DMRT1: variants seen among roughly 807,000 people sequenced by gnomAD.
DMRT1 encodes doublesex and mab-3 related transcription factor 1.
In DMRT1, 7 loss-of-function variants were observed where a neutral mutation model predicts 32.3. The observed-to-expected ratio is 0.22, with a 90% CI of 0.12 to 0.41. The LOEUF (loss-of-function observed/expected upper bound fraction) is 0.41, where lower values mean the gene tolerates loss of function less well. Ranked by LOEUF, DMRT1 falls within the 10% of genes least tolerant of loss-of-function variation. The probability of loss-of-function intolerance (pLI) is 1.00; values close to 1 mark genes in which losing one functional copy is unlikely to be tolerated. For synonymous variants in DMRT1, 278 were observed against 206.1 expected (o/e 1.35, Z -2.99); for missense variants, 625 against 500.5 (o/e 1.25, Z -2.37).
At chr9:870,756 C>T (rs1349777544) in intron 2 of DMRT1, among the ~76,000 whole-genome samples, 3 of 128,168 alleles carry the variant, frequency 2.3e-5, no homozygotes, top group African/African-American at 6.2e-5. Flanking sequence ...CCATTGCCCA[C>T]GCTGGAGTGC....
chr9:847,632 T>C (rs1480179616), intron 2 of DMRT1, among the ~76,000 whole-genome samples: 1 of 151,520 alleles, frequency 6.6e-6, no homozygotes, highest in Non-Finnish European at 1.5e-5. Context: ...TAAGGAGGAA[T>C]GTGTTCTTTT....
chr9:861,860 G>C (rs1328576799), intron 2 of DMRT1, among the ~76,000 whole-genome samples: 1 of 150,426 alleles, frequency 6.6e-6, no homozygotes, highest in Admixed American at 6.6e-5. Context: ...TCACCTCCCA[G>C]ACGGGGTCGC....
At chr9:894,285 G>A (rs1233699267) in intron 3 of DMRT1, 90 bp downstream of exon 3, 17 of 1,401,464 alleles carry the variant, frequency 1.2e-5, no homozygotes, top group East Asian at 2.3e-5. Context: ...AGGCACACAC[G>A]CACTTGTGCG....
At chr9:881,283 T>A (rs1816726731) in intron 2 of DMRT1, among the ~76,000 whole-genome samples, 1 of 152,318 alleles carries the variant, frequency 6.6e-6, no homozygotes, top group Non-Finnish European at 1.5e-5. Flanking sequence ...AAATTGGCGA[T>A]AATAAATTGA....
At chr9:846,900 G>C (rs1031009187) in intron 1 of DMRT1, 60 bp from the exon 2 acceptor site, 2 of 1,602,882 alleles carry the variant, frequency 1.2e-6, no homozygotes, top group African/African-American at 1.3e-5. Flanking sequence ...TGGGGCTTCT[G>C]TGTTTTGGCA....
chr9:951,092 TAATTA>T (rs944531625), intron 4 of DMRT1, among the ~76,000 whole-genome samples: 6 of 152,180 alleles, frequency 3.9e-5, no homozygotes, highest in Non-Finnish European at 7.3e-5. Flanking sequence ...CTAATGGAAA[TAATTA>T]AAAGTTCATT....
At chr9:932,229 C>T (rs960373123) in intron 4 of DMRT1, among the ~76,000 whole-genome samples, 1 of 152,186 alleles carries the variant, frequency 6.6e-6, no homozygotes, top group African/African-American at 2.4e-5. Flanking sequence ...GCCATCTTTG[C>T]CTTTTAACAA....
At chr9:910,881 GTTTA>G (rs1194389234) in intron 3 of DMRT1, among the ~76,000 whole-genome samples, 1 of 152,088 alleles carries the variant, frequency 6.6e-6, no homozygotes, top group Non-Finnish European at 1.5e-5. Context: ...GGTTTACTTG[GTTTA>G]TTTATTTGCT....
chr9:912,295 T>A (rs1818018762), intron 3 of DMRT1, among the ~76,000 whole-genome samples: 1 of 152,070 alleles, frequency 6.6e-6, no homozygotes, highest in African/African-American at 2.4e-5. Flanking sequence ...GATTACGGTG[T>A]GAGATGAGAT....
chr9:915,692 G>T (rs371583064), intron 3 of DMRT1, among the ~76,000 whole-genome samples: 7 of 151,896 alleles, frequency 4.6e-5, no homozygotes, highest in African/African-American at 1.7e-4. Context: ...ATTACACATG[G>T]TTTGCATGTT....
At chr9:945,789 G>T (rs1586651116) in intron 4 of DMRT1, among the ~76,000 whole-genome samples, 1 of 140,012 alleles carries the variant, frequency 7.1e-6, no homozygotes, top group African/African-American at 2.6e-5. Context: ...ACAGTGTTAT[G>T]GCCTACTTTT....
chr9:895,801 C>CTTTTT (rs1187539144), intron 3 of DMRT1, among the ~76,000 whole-genome samples: 9 of 121,974 alleles, frequency 7.4e-5, no homozygotes, highest in Non-Finnish European at 1.2e-4. Context: ...ATAACTGAAA[C>CTTTTT]TTTTTTTTTT....
chr9:952,668 G>C (rs548481115), intron 4 of DMRT1, among the ~76,000 whole-genome samples: 17 of 152,298 alleles, frequency 1.1e-4, no homozygotes, highest in African/African-American at 3.9e-4. Context: ...AGCCAATAAT[G>C]CAGTGAGTGC....
intron 2 of DMRT1, among the ~76,000 whole-genome samples, chr9:868,588 C>A (rs2132600645): frequency 6.6e-6 from 1 of 152,366 alleles, no homozygotes; most frequent in Non-Finnish European, 1.5e-5. Flanking sequence ...GCTAGCTCCT[C>A]TGTCTTGGGC....
intron 3 of DMRT1, among the ~76,000 whole-genome samples, chr9:909,485 G>T (rs1282840556): frequency 6.6e-6 from 1 of 152,068 alleles, no homozygotes; most frequent in Admixed American, 6.5e-5. Flanking sequence ...ATCCCATTTA[G>T]ATGGTTCGAA....
chr9:919,367 T>C (rs891036390), intron 4 of DMRT1, among the ~76,000 whole-genome samples: 1 of 146,394 alleles, frequency 6.8e-6, no homozygotes, highest in Non-Finnish European at 1.5e-5. Context: ...TTCAGTGTCT[T>C]CCTCTGGGTT....
chr9:861,370 G>A (rs1414148950), intron 2 of DMRT1, among the ~76,000 whole-genome samples: 1 of 152,166 alleles, frequency 6.6e-6, no homozygotes, highest in African/African-American at 2.4e-5. Flanking sequence ...GTTTCAGAGA[G>A]CACGGGGTTG....
chr9:913,833 C>T (rs1013258337), intron 3 of DMRT1, among the ~76,000 whole-genome samples: 1 of 152,172 alleles, frequency 6.6e-6, no homozygotes, highest in Non-Finnish European at 1.5e-5. Context: ...GCAGAGGTTG[C>T]AGTGAGCCGA....
chr9:899,621 T>G (rs1725142803), intron 3 of DMRT1, among the ~76,000 whole-genome samples: 1 of 152,212 alleles, frequency 6.6e-6, no homozygotes, highest in African/African-American at 2.4e-5. Context: ...AAACTCACAA[T>G]GAATGGCTGG....
Sources: gnomAD v4.1 joint callset for allele counts (sites outside exome capture counted in the v4.1 genomes callset) on GRCh38, gnomAD v4.1.1 for gene constraint, MANE v1.5 for transcripts, NCBI Gene and HGNC (gene_info 2026-07-23, HGNC 2026-07-21) for gene names.